ERC1: variants seen among roughly 807,000 people sequenced by gnomAD.
ERC1 encodes the protein ELKS/RAB6-interacting/CAST family member 1, also known as RAB6 interacting protein 2.
In ERC1, 56 loss-of-function variants were observed where a neutral mutation model predicts 132.0. The observed-to-expected ratio is 0.42, with a 90% CI of 0.34 to 0.53. The LOEUF is 0.53. Among genes scored for constraint, ERC1 ranks in the 20% least tolerant of loss-of-function variants. The pLI is 0.03. For synonymous variants in ERC1, 478 were observed against 476.1 expected, an observed-to-expected ratio of 1.00 and a Z score of -0.05; for missense variants, 1,202 against 1,349.9, an observed-to-expected ratio of 0.89 and a Z score of 1.72.
chr12:1,039,198 G>T (rs946989458), intron 2 of ERC1, among the ~76,000 whole-genome samples: 1 of 151,656 alleles, frequency 6.6e-6, no homozygotes, highest in Admixed American at 6.6e-5. Context: ...TTAGCTGGGC[G>T]TGGTGGTGGG....
Position 1,011,926 on chromosome 12 carries a change from G to A in ERC1, c.-156-15822G>A, listed in dbSNP as rs1017676239. 1.5e-4 allele frequency among the ~76,000 whole-genome samples: 22 copies of A among 151,552 alleles called. No homozygotes were observed. The Middle Eastern group carries it at 0.01, about 71-fold the overall frequency. On this transcript the variant is annotated intron_variant, in intron 1 of 18. Coordinates refer to ENST00000360905, the MANE Select transcript of ERC1 (RefSeq NM_178040.4). ...CACCCCACTGCACTCCAGCATGGGT[G>A]ACAGAGTGAGACTCTGAAAAAAAAA...
At chr12:1,059,062 T>C (rs1973541207) in intron 2 of ERC1, among the ~76,000 whole-genome samples, 1 of 152,208 alleles carries the variant, frequency 6.6e-6, no homozygotes, top group African/African-American at 2.4e-5. Flanking sequence ...ACCTTCTTGG[T>C]TCAATTTATT....
At chr12:1,312,866 C>T (rs567290919) in intron 15 of ERC1, among the ~76,000 whole-genome samples, 1 of 152,250 alleles carries the variant, frequency 6.6e-6, no homozygotes, top group Admixed American at 6.5e-5. Context: ...CCTGCAGCCA[C>T]TTTCACTGTA....
At chr12:1,244,904 A>G (rs1444807655) in intron 13 of ERC1, 1 of 154,036 alleles carries the variant, frequency 6.5e-6, no homozygotes, top group East Asian at 1.9e-4. Context: ...TAGTTACGTT[A>G]AAAAGCACGT....
intron 16 of ERC1, among the ~76,000 whole-genome samples, chr12:1,393,972 C>T (rs573458662): frequency 3.6e-3 from 469 of 130,070 alleles, no homozygotes; most frequent in African/African-American, 0.014. Context: ...GCTGAGATTT[C>T]GCCACTGCAC....
At chr12:1,345,857 T>C (rs2084402016) in intron 15 of ERC1, among the ~76,000 whole-genome samples, 1 of 152,240 alleles carries the variant, frequency 6.6e-6, no homozygotes, top group Non-Finnish European at 1.5e-5. Context: ...AGACTGATGC[T>C]GAATTCTGGT....
chr12:1,366,261 C>G (rs1273647750), intron 15 of ERC1, among the ~76,000 whole-genome samples: 1 of 151,844 alleles, frequency 6.6e-6, no homozygotes, highest in Non-Finnish European at 1.5e-5. Flanking sequence ...ATAAACAGAC[C>G]AATAAACCAG....
At position 1,348,307 on chromosome 12, in the gene ERC1, T is replaced by C. The variant is rs570685920; in HGVS notation, c.2781-23526T>C. Among the ~76,000 whole-genome samples the C allele has an allele frequency of 2.0e-4, 30 of 152,338 alleles. 1 individual carries two copies. The South Asian group carries it at 6.0e-3, about 30-fold the overall frequency. ...TTTATATTTATTCATTAAAGAACTT[T>C]TGTTACTGAATTCTTTTTAGGAAAC... On this transcript the variant is annotated intron_variant, in intron 15 of 18. Transcript: ENST00000360905.
chr12:1,279,074 A>G (rs1281699280), intron 14 of ERC1, among the ~76,000 whole-genome samples: 1 of 152,176 alleles, frequency 6.6e-6, no homozygotes, highest in Non-Finnish European at 1.5e-5. Flanking sequence ...TTTCTCTCTC[A>G]TCCTATGTGT....
At chr12:1,309,195 A>G (rs2081107795) in intron 15 of ERC1, among the ~76,000 whole-genome samples, 1 of 152,260 alleles carries the variant, frequency 6.6e-6, no homozygotes. Flanking sequence ...CACCGCAACC[A>G]TCAAAAACTC....
At chr12:1,411,520 T>G (rs2091849962) in intron 17 of ERC1, among the ~76,000 whole-genome samples, 1 of 152,124 alleles carries the variant, frequency 6.6e-6, no homozygotes, top group Non-Finnish European at 1.5e-5. Flanking sequence ...GGCTTTATCC[T>G]GAGGGCATGA....
At chr12:1,222,659 C>A (rs147055042) in intron 12 of ERC1, among the ~76,000 whole-genome samples, 498 of 152,194 alleles carry the variant, frequency 3.3e-3, no homozygotes, top group Non-Finnish European at 5.7e-3. Flanking sequence ...AACACAAATA[C>A]CTTAGTGAAA....
intron 2 of ERC1, among the ~76,000 whole-genome samples, chr12:1,065,602 G>T (rs1357045406): frequency 6.7e-6 from 1 of 150,134 alleles, no homozygotes; most frequent in African/African-American, 2.4e-5. Flanking sequence ...TTGGGGCGGG[G>T]GGGGACGGAT....
At chr12:1,082,030 G>A (rs1010798317) in intron 2 of ERC1, among the ~76,000 whole-genome samples, 1 of 34,888 alleles carries the variant, frequency 2.9e-5, no homozygotes, top group African/African-American at 5.6e-5. Flanking sequence ...GGTTTTGCTT[G>A]TTTGTTTGTT....
chr12:1,400,917 T>TTATTA (rs1491529417), intron 16 of ERC1, among the ~76,000 whole-genome samples: 3 of 3,974 alleles, frequency 7.5e-4, no homozygotes, highest in African/African-American at 4.5e-3. Context: ...TATTTTTGTA[T>TTATTA]TTTTTTTTTT....
intron 12 of ERC1, among the ~76,000 whole-genome samples, chr12:1,230,163 C>T (rs763769856): frequency 6.6e-5 from 10 of 152,006 alleles, no homozygotes; most frequent in Admixed American, 1.3e-4. Context: ...TGTGCCACCA[C>T]GCCTGGCTAA....
chr12:1,339,834 C>T (rs76297679), intron 15 of ERC1, among the ~76,000 whole-genome samples: 1,825 of 152,244 alleles, frequency 0.012, 36 homozygotes, highest in African/African-American at 0.042. Flanking sequence ...ACTCCTGTGG[C>T]AGTGTTGGCA....
chr12:1,467,119 T>C (rs1168411875), intron 18 of ERC1, among the ~76,000 whole-genome samples: 1 of 152,224 alleles, frequency 6.6e-6, no homozygotes, highest in Admixed American at 6.5e-5. Flanking sequence ...TTTAATGTTA[T>C]CAGACTGGAA....
intron 17 of ERC1, among the ~76,000 whole-genome samples, chr12:1,441,918 G>A (rs2093165727): frequency 6.6e-6 from 1 of 152,144 alleles, no homozygotes; most frequent in Admixed American, 6.5e-5. Flanking sequence ...TCCACAATGA[G>A]TATACTTTTT....
Sources: allele counts gnomAD v4.1 joint callset (sites outside exome capture counted in the v4.1 genomes callset), GRCh38; gene constraint gnomAD v4.1.1; transcripts MANE v1.5; gene names NCBI Gene and HGNC (gene_info 2026-07-23, HGNC 2026-07-21).